The following PHLPP2 variants were observed in gnomAD, a reference collection of about 807,000 sequenced individuals.
PHLPP2 encodes the protein PH domain and leucine rich repeat protein phosphatase 2.
A neutral mutation model predicts 124.9 loss-of-function variants in PHLPP2; 66 were observed. The ratio of observed to expected loss-of-function variants is 0.53; its 90% CI spans 0.43 to 0.65. PHLPP2 has a LOEUF of 0.65. Among genes scored for constraint, PHLPP2 ranks in the 30% least tolerant of loss-of-function variants. The pLI, the probability that PHLPP2 is intolerant of heterozygous loss-of-function variation, is 0.00. For missense variants in PHLPP2, 1,685 were observed against 1,600.4 expected (o/e 1.05, Z -0.90); for synonymous variants, 681 against 624.7 (o/e 1.09, Z -1.34).
rs1487684421 is a variant in PHLPP2, at chr16:71,649,820, G to A, written c.3042C>T (p.Cys1014=). 6.2e-7 allele frequency: 1 copy of A among 1,614,220 alleles called. No homozygotes were observed. The highest frequency in any genetic ancestry group is 8.5e-7 in the Non-Finnish European group (1 of 1,180,026). The change falls in exon 19 of 19, where the codon TGC becomes TGT. Residue 1014 remains cysteine, a synonymous_variant. Transcript: ENST00000568954. ...GACAGCCATAGCTCTGCGCTAATGT[G>A]CACAGCTTCTTAGCAGCTGCTAATG... The part of the protein sequence containing the change: ...QDPLAAAKKL[C]TLAQSYGCQD...
intron 5 of PHLPP2, among the ~76,000 whole-genome samples, chr16:71,683,450 G>A (rs1035319688): frequency 6.6e-6 from 1 of 152,178 alleles, no homozygotes; most frequent in Non-Finnish European, 1.5e-5. Flanking sequence ...CTGAACATAT[G>A]CAGACCAAGA....
At chr16:71,699,206 T>A (rs1190688139) in intron 3 of PHLPP2, among the ~76,000 whole-genome samples, 1 of 152,106 alleles carries the variant, frequency 6.6e-6, no homozygotes, top group Non-Finnish European at 1.5e-5. Flanking sequence ...CAGGGACAGG[T>A]GCCCAGCAAA....
intron 1 of PHLPP2, among the ~76,000 whole-genome samples, chr16:71,718,563 G>A (rs1338924924): frequency 6.8e-6 from 1 of 146,674 alleles, no homozygotes; most frequent in Non-Finnish European, 1.5e-5. Context: ...CTGGGTGACA[G>A]TGCAAGACTC....
At chr16:71,677,792 C>T (rs1256759029) in intron 8 of PHLPP2, 1 of 152,006 alleles carries the variant, frequency 6.6e-6, no homozygotes, top group Non-Finnish European at 1.5e-5. Context: ...AAACCCTTAA[C>T]ATTTTAATTG....
intron 1 of PHLPP2, among the ~76,000 whole-genome samples, chr16:71,720,757 G>C (rs1464538925): frequency 6.6e-6 from 1 of 151,814 alleles, no homozygotes. Context: ...CCAGCTACAC[G>C]AGAGGCTGAG....
chr16:71,668,947 T>TA (rs757726655), intron 11 of PHLPP2, among the ~76,000 whole-genome samples: 17 of 152,356 alleles, frequency 1.1e-4, no homozygotes, highest in Admixed American at 9.1e-4. Context: ...GTGATGTTCT[T>TA]AGAACATTGC....
At chr16:71,683,238 AT>A (rs1286772711) in intron 5 of PHLPP2, among the ~76,000 whole-genome samples, 6 of 152,192 alleles carry the variant, frequency 3.9e-5, no homozygotes, top group Non-Finnish European at 5.9e-5. Context: ...ACAATCTCTT[AT>A]ACAAAATCCT....
At chr16:71,713,493 C>T (rs1286918794) in intron 2 of PHLPP2, among the ~76,000 whole-genome samples, 1 of 152,164 alleles carries the variant, frequency 6.6e-6, no homozygotes, top group Non-Finnish European at 1.5e-5. Flanking sequence ...CAGACTCTCA[C>T]ATATGAGAGA....
chr16:71,665,574 T>C (rs2145320271), intron 12 of PHLPP2, among the ~76,000 whole-genome samples: 1 of 152,340 alleles, frequency 6.6e-6, no homozygotes. Context: ...TATATTGAAA[T>C]ATAAGTTTTA....
intron 3 of PHLPP2, among the ~76,000 whole-genome samples, chr16:71,701,440 T>C (rs2045232876): frequency 6.6e-6 from 1 of 152,188 alleles, no homozygotes; most frequent in East Asian, 1.9e-4. Context: ...ACTCAAACCA[T>C]ACTAGCTTTT....
chr16:71,654,204 GAA>G (rs765826548), intron 17 of PHLPP2, among the ~76,000 whole-genome samples: 4 of 72,354 alleles, frequency 5.5e-5, no homozygotes, highest in African/African-American at 1.2e-4. Context: ...TCTCAAAAAA[GAA>G]AAAAAAAAAA....
chr16:71,696,400 G>A (rs911704696), intron 3 of PHLPP2, among the ~76,000 whole-genome samples: 11 of 152,110 alleles, frequency 7.2e-5, no homozygotes, highest in Non-Finnish European at 1.2e-4. Context: ...ACTTCAGGAG[G>A]CCAAGGTGGG....
chr16:71,654,169 T>TG (rs530498079), intron 17 of PHLPP2, among the ~76,000 whole-genome samples: 1 of 116,492 alleles, frequency 8.6e-6, no homozygotes, highest in Non-Finnish European at 1.6e-5. Flanking sequence ...CACTCCAGCC[T>TG]GGGGGACAGA....
intron 3 of PHLPP2, among the ~76,000 whole-genome samples, chr16:71,701,316 ATATC>A (rs1567626550): frequency 3.6e-4 from 10 of 27,636 alleles, no homozygotes; most frequent in South Asian, 5.4e-3. Flanking sequence ...ATCTATCTAT[ATATC>A]TATCTACCTA....
intron 13 of PHLPP2, among the ~76,000 whole-genome samples, chr16:71,661,247 T>G (rs1337295343): frequency 6.6e-6 from 1 of 151,942 alleles, no homozygotes; most frequent in Non-Finnish European, 1.5e-5. Context: ...ATTTTTGTAT[T>G]TTTAGTAGAG....
chr16:71,694,232 T>C (rs2045144947), intron 3 of PHLPP2, among the ~76,000 whole-genome samples: 1 of 151,322 alleles, frequency 6.6e-6, no homozygotes, highest in South Asian at 2.1e-4. Flanking sequence ...TAAAATTGAC[T>C]GGCTGGATCA....
chr16:71,693,645 T>C (rs2045137554), intron 3 of PHLPP2, among the ~76,000 whole-genome samples: 1 of 152,214 alleles, frequency 6.6e-6, no homozygotes, highest in African/African-American at 2.4e-5. Flanking sequence ...AAACTCCTGA[T>C]GGAGCACCCA....
chr16:71,691,749 T>C (rs1356474137), intron 3 of PHLPP2, among the ~76,000 whole-genome samples: 1 of 152,014 alleles, frequency 6.6e-6, no homozygotes, highest in Non-Finnish European at 1.5e-5. Context: ...GAGGCCTTCA[T>C]GACTGAGATA....
At position 71,649,846 on chromosome 16, in the gene PHLPP2, G is replaced by C. The variant is rs1157365587; in HGVS notation, c.3016C>G (p.Pro1006Ala). The C allele has an allele frequency of 6.2e-7, 1 of 1,614,084 alleles. No individual in the cohort carries two copies. The highest frequency in any genetic ancestry group is 8.5e-7 in the Non-Finnish European group (1 of 1,179,930). Residue 1006 changes from proline to alanine, a missense_variant, in exon 19 of 19, where the codon CCA becomes GCA. Coordinates refer to ENST00000568954, the MANE Select transcript of PHLPP2 (RefSeq NM_015020.3). ...AVNAVRHVQD[P>A]LAAAKKLCTL... ...CACAGCTTCTTAGCAGCTGCTAATG[G>C]GTCTTGTACGTGACGTACAGCATTG...
Sources: allele counts gnomAD v4.1 joint callset (sites outside exome capture counted in the v4.1 genomes callset), GRCh38; gene constraint gnomAD v4.1.1; transcripts MANE v1.5; gene names NCBI Gene and HGNC (gene_info 2026-07-23, HGNC 2026-07-21).